The following PKNOX2 variants were observed in gnomAD, a reference collection of about 807,000 sequenced individuals.
PKNOX2 encodes homeobox protein PKNOX2.
In PKNOX2, 14 loss-of-function variants were observed where a neutral mutation model predicts 53.1. The ratio of observed to expected loss-of-function variants is 0.26; its 90% CI spans 0.17 to 0.41. PKNOX2 has a LOEUF of 0.41. Among genes scored for constraint, PKNOX2 ranks in the 10% least tolerant of loss-of-function variants. PKNOX2 has a pLI of 1.00. For missense variants in PKNOX2, 496 were observed against 602.8 expected, an observed-to-expected ratio of 0.82 and a Z score of 1.85; for synonymous variants, 257 against 242.8, an observed-to-expected ratio of 1.06 and a Z score of -0.54.
chr11:125,341,469 T>C (rs576483758), intron 3 of PKNOX2, among the ~76,000 whole-genome samples: 3 of 152,290 alleles, frequency 2.0e-5, no homozygotes, highest in South Asian at 4.1e-4. Flanking sequence ...AGTCATATTG[T>C]ATAGGCTGCC....
chr11:125,379,729 G>A (rs1953098342), intron 5 of PKNOX2, among the ~76,000 whole-genome samples: 1 of 152,110 alleles, frequency 6.6e-6, no homozygotes, highest in South Asian at 2.1e-4. Context: ...GGGGACAGCT[G>A]CACACACCTT....
At chr11:125,375,331 G>A (rs558621467) in intron 5 of PKNOX2, among the ~76,000 whole-genome samples, 3 of 152,222 alleles carry the variant, frequency 2.0e-5, no homozygotes, top group Non-Finnish European at 4.4e-5. Context: ...CAACAGTCTC[G>A]TGGCTCCCAG....
chr11:125,317,553 G>A (rs1221282634), intron 2 of PKNOX2, among the ~76,000 whole-genome samples: 1 of 152,192 alleles, frequency 6.6e-6, no homozygotes, highest in Admixed American at 6.5e-5. Context: ...CTCCATCAGA[G>A]CTCTTGGGTA....
intron 1 of PKNOX2, among the ~76,000 whole-genome samples, chr11:125,180,142 G>C (rs915714232): frequency 1.3e-5 from 2 of 152,194 alleles, no homozygotes; most frequent in African/African-American, 4.8e-5. Context: ...GGATATCTGC[G>C]TGGCTTGCTA....
chr11:125,431,464 GAAGGGGA>G lies in PKNOX2; in HGVS notation c.*73_*79del. ...GCCGGGAGGCCTTCAGGGTGGGGGG[GAAGGGGA>G]CATGGGCAGGAAGCACCGAGGGAGT... On this transcript the variant is annotated 3_prime_UTR_variant, in exon 13 of 13. Coordinates refer to ENST00000298282, the MANE Select transcript of PKNOX2 (RefSeq NM_001382323.2). 1.7e-5 allele frequency: 5 copies of G among 302,790 alleles called. No individual in the cohort carries two copies. The highest frequency in any genetic ancestry group is 3.5e-5 in the Admixed American group (1 of 28,702). The allele number at this position is 302,790 out of a possible 1,614,324, so 18.8% of individuals were successfully genotyped here.
chr11:125,194,583 C>T (rs1326617997), intron 1 of PKNOX2, among the ~76,000 whole-genome samples: 1 of 152,070 alleles, frequency 6.6e-6, no homozygotes, highest in African/African-American at 2.4e-5. Flanking sequence ...GAGAGGGGCA[C>T]TCAGCCTCTC....
chr11:125,427,033 G>A (rs993645542), intron 10 of PKNOX2, among the ~76,000 whole-genome samples: 5 of 152,198 alleles, frequency 3.3e-5, no homozygotes, highest in Non-Finnish European at 7.3e-5. Context: ...TTGCACCTGG[G>A]AAGGCCAAAA....
chr11:125,367,466 T>A (rs1169699068), intron 4 of PKNOX2, among the ~76,000 whole-genome samples: 1 of 152,202 alleles, frequency 6.6e-6, no homozygotes, highest in Non-Finnish European at 1.5e-5. Flanking sequence ...TTCCTGCTTT[T>A]CAAAGTCATC....
At chr11:125,228,944 G>A (rs1941958434) in intron 1 of PKNOX2, among the ~76,000 whole-genome samples, 1 of 152,110 alleles carries the variant, frequency 6.6e-6, no homozygotes, top group African/African-American at 2.4e-5. Flanking sequence ...TTTGGGGGTG[G>A]GGAAAGTGTC....
chr11:125,261,814 C>T (rs141132561), intron 2 of PKNOX2, among the ~76,000 whole-genome samples: 2 of 152,356 alleles, frequency 1.3e-5, no homozygotes, highest in Non-Finnish European at 2.9e-5. Context: ...GCCCGAGACA[C>T]CAAATTTTTG....
chr11:125,242,775 C>T (rs116761738), intron 2 of PKNOX2, among the ~76,000 whole-genome samples: 131 of 151,988 alleles, frequency 8.6e-4, no homozygotes, highest in African/African-American at 3.0e-3. Context: ...TGTTCTTTGT[C>T]GGGGCACGTC....
intron 3 of PKNOX2, among the ~76,000 whole-genome samples, chr11:125,338,914 A>G (rs952129235): frequency 6.6e-6 from 1 of 152,362 alleles, no homozygotes; most frequent in South Asian, 2.1e-4. Context: ...CACCCAGACC[A>G]TAATGATAGG....
chr11:125,204,985 T>C (rs937193306), intron 1 of PKNOX2, among the ~76,000 whole-genome samples: 2 of 152,216 alleles, frequency 1.3e-5, no homozygotes, highest in Non-Finnish European at 2.9e-5. Context: ...CCATGGTGCA[T>C]TGCGCACAGT....
chr11:125,316,620 C>T (rs1591525232), intron 2 of PKNOX2, among the ~76,000 whole-genome samples: 1 of 152,214 alleles, frequency 6.6e-6, no homozygotes, highest in African/African-American at 2.4e-5. Context: ...TTACACTATA[C>T]TGTAGTCTAT....
intron 4 of PKNOX2, among the ~76,000 whole-genome samples, chr11:125,357,674 C>T (rs1951692899): frequency 6.6e-6 from 1 of 152,080 alleles, no homozygotes; most frequent in Non-Finnish European, 1.5e-5. Flanking sequence ...GCTTTGGTGT[C>T]TGTGCGGCCT....
intron 2 of PKNOX2, among the ~76,000 whole-genome samples, chr11:125,311,463 G>C (rs2136009528): frequency 6.6e-6 from 1 of 152,296 alleles, no homozygotes; most frequent in East Asian, 1.9e-4. Context: ...AGGTAGAAGG[G>C]ACAAGGGTTA....
intron 5 of PKNOX2, among the ~76,000 whole-genome samples, chr11:125,377,662 T>G (rs1241571569): frequency 1.3e-5 from 2 of 152,220 alleles, no homozygotes; most frequent in Non-Finnish European, 2.9e-5. Context: ...GGTTGTCCAA[T>G]CTTTTGGCTT....
chr11:125,260,788 C>T (rs1023800223), intron 2 of PKNOX2, among the ~76,000 whole-genome samples: 1 of 152,242 alleles, frequency 6.6e-6, no homozygotes, highest in South Asian at 2.1e-4. Context: ...TTGAGGACAA[C>T]TTTATGTTTT....
Position 125,165,339 on chromosome 11 carries a change from G to A in PKNOX2, c.-201+563G>A, listed in dbSNP as rs572411498. Among the ~76,000 whole-genome samples the A allele has an allele frequency of 6.6e-6, 1 of 152,230 alleles. No individual in the cohort carries two copies. The highest frequency in any genetic ancestry group is 2.1e-4 in the South Asian group (1 of 4,834). On this transcript the variant is annotated intron_variant, in intron 1 of 12. Coordinates refer to ENST00000298282, the MANE Select transcript of PKNOX2 (RefSeq NM_001382323.2). This position sits in a 1 kb window ranked among gnomAD's most constrained non-coding sequence, Gnocchi z 4.5. ...AACAGGCACGCCGGCCCGAGCCCGG[G>A]TGCAGAAGGCTCCCGGCCGGGCGCT... is the stretch of plus-strand genomic sequence containing the variant.
Sources: gnomAD v4.1 joint callset for allele counts (sites outside exome capture counted in the v4.1 genomes callset) on GRCh38, gnomAD v4.1.1 for gene constraint, Gnocchi (gnomAD v3.1) non-coding constraint, MANE v1.5 for transcripts, NCBI Gene and HGNC (gene_info 2026-07-23, HGNC 2026-07-21) for gene names.